Variants in NAALADL2 observed in about 807,000 individuals in gnomAD.
The protein encoded by NAALADL2 is inactive N-acetylated-alpha-linked acidic dipeptidase-like protein 2.
In NAALADL2, 76 loss-of-function variants were observed where a neutral mutation model predicts 87.2. The ratio of observed to expected loss-of-function variants is 0.87; its 90% CI spans 0.72 to 1.05. The LOEUF (loss-of-function observed/expected upper bound fraction) is 1.05. Among genes scored for constraint, NAALADL2 ranks in the 50% least tolerant of loss-of-function variants. The pLI, the probability that NAALADL2 is intolerant of heterozygous loss-of-function variation, is 0.00. For missense variants in NAALADL2, 1,089 were observed against 945.8 expected, an observed-to-expected ratio of 1.15 and a Z score of -1.99; for synonymous variants, 354 against 331.0, an observed-to-expected ratio of 1.07 and a Z score of -0.75.
intron 1 of NAALADL2, among the ~76,000 whole-genome samples, chr3:174,502,276 A>C (rs1718945199): frequency 6.6e-6 from 1 of 152,216 alleles, no homozygotes; most frequent in Non-Finnish European, 1.5e-5. Context: ...ATGCTTAAAA[A>C]GCATTGCTCT....
At chr3:174,901,877 G>T (rs1402781496) in intron 1 of NAALADL2, among the ~76,000 whole-genome samples, 1 of 152,166 alleles carries the variant, frequency 6.6e-6, no homozygotes, top group South Asian at 2.1e-4. Context: ...TGTGATTTAT[G>T]TATGGCCCCA....
chr3:174,629,870 A>G (rs1175259928), intron 2 of NAALADL2, among the ~76,000 whole-genome samples: 1 of 152,202 alleles, frequency 6.6e-6, no homozygotes, highest in African/African-American at 2.4e-5. Flanking sequence ...CAAGAAAATG[A>G]GCAATTTTGC....
rs1458144731 is a variant in NAALADL2 at position 175,105,481 on chromosome 3, CTATG to C, written c.545+8200_545+8203del. Among the ~76,000 whole-genome samples the C allele has an allele frequency of 2.2e-5, 3 of 138,508 alleles. No individual in the cohort carries two copies. The East Asian group carries it at 6.5e-4, about 30-fold the overall frequency. The allele number at this position is 138,508 out of a possible 152,430, so 90.9% of individuals were successfully genotyped here. ...ATATGATTCACATATATATAAATGG[CTATG>C]TATGTATGTGTGTGTATATTTATAT... On this transcript the variant is annotated intron_variant, in intron 2 of 13. Coordinates refer to ENST00000454872, the MANE Select transcript of NAALADL2 (RefSeq NM_207015.3).
At chr3:175,497,811 C>A (rs1204459688) in intron 9 of NAALADL2, among the ~76,000 whole-genome samples, 3 of 152,086 alleles carry the variant, frequency 2.0e-5, no homozygotes, top group Admixed American at 6.6e-5. Flanking sequence ...AGTCAAACAG[C>A]ATGAGTACAA....
intron 4 of NAALADL2, among the ~76,000 whole-genome samples, chr3:175,306,165 T>C (rs1479102094): frequency 1.3e-5 from 2 of 152,156 alleles, no homozygotes; most frequent in East Asian, 3.8e-4. Context: ...ATTTTCTGAT[T>C]TTATGTGCCC....
At chr3:174,887,076 G>A (rs907834501) in intron 1 of NAALADL2, among the ~76,000 whole-genome samples, 1 of 152,156 alleles carries the variant, frequency 6.6e-6, no homozygotes, top group Non-Finnish European at 1.5e-5. Context: ...TATATAAGGA[G>A]CTTCCATCTT....
chr3:174,997,747 G>T (rs988165865), intron 1 of NAALADL2, among the ~76,000 whole-genome samples: 2 of 151,992 alleles, frequency 1.3e-5, no homozygotes, highest in Admixed American at 1.3e-4. Context: ...ACCCGGGGAA[G>T]AGGAGGTTGC....
intron 3 of NAALADL2, among the ~76,000 whole-genome samples, chr3:174,746,744 G>C (rs1386817335): frequency 6.6e-6 from 1 of 151,994 alleles, no homozygotes; most frequent in Non-Finnish European, 1.5e-5. Context: ...TAGACCAATG[G>C]AACAAAATAG....
intron 11 of NAALADL2, among the ~76,000 whole-genome samples, chr3:175,634,809 A>G (rs116711663): frequency 9.2e-5 from 14 of 152,150 alleles, no homozygotes; most frequent in African/African-American, 3.4e-4. Flanking sequence ...CTATGAATTT[A>G]GAGCTTTTAA....
chr3:174,898,457 A>T (rs925348712), intron 1 of NAALADL2, among the ~76,000 whole-genome samples: 1 of 151,990 alleles, frequency 6.6e-6, no homozygotes, highest in African/African-American at 2.4e-5. Context: ...GGGTGACTAT[A>T]GTCAATAATA....
chr3:175,412,527 A>G (rs781135405), intron 5 of NAALADL2, among the ~76,000 whole-genome samples: 1 of 152,160 alleles, frequency 6.6e-6, no homozygotes, highest in Non-Finnish European at 1.5e-5. Context: ...TATCTCCTAG[A>G]TATTAGTTTT....
intron 9 of NAALADL2, among the ~76,000 whole-genome samples, chr3:175,542,540 A>G (rs766767509): frequency 6.6e-6 from 1 of 152,074 alleles, no homozygotes; most frequent in African/African-American, 2.4e-5. Context: ...TTCTTTTTTT[A>G]GTAGAGACGG....
At chr3:175,650,533 C>T (rs1259828442) in intron 11 of NAALADL2, among the ~76,000 whole-genome samples, 3 of 152,116 alleles carry the variant, frequency 2.0e-5, no homozygotes, top group African/African-American at 4.8e-5. Context: ...CTAACACTCA[C>T]TCCTATAAAA....
At position 175,803,505 on chromosome 3, in the gene NAALADL2, G is replaced by A. The variant is rs1252339174; in HGVS notation, c.*302G>A. The A allele has an allele frequency of 1.5e-5, 3 of 193,574 alleles. No homozygotes were observed. Among genetic ancestry groups the A allele is most frequent in the African/African-American group, 7.1e-5 (3 of 42,336 alleles). 12.0% of individuals were successfully genotyped at this position (193,574 alleles called of 1,614,324 possible). On this transcript the variant is annotated 3_prime_UTR_variant, in exon 14 of 14. Transcript: ENST00000454872. ...TACTATTTTAAGGAAAAATTTCCAA[G>A]AAGTTCTGGACTATCTTTGTTCCTA... is the stretch of plus-strand genomic sequence containing the variant.
At chr3:175,186,128 C>T (rs375953436) in intron 2 of NAALADL2, among the ~76,000 whole-genome samples, 11 of 152,006 alleles carry the variant, frequency 7.2e-5, no homozygotes, top group Middle Eastern at 3.2e-3. Flanking sequence ...AATATTTGAC[C>T]ACTTGAGTGA....
At chr3:175,036,602 T>C (rs567257737) in intron 1 of NAALADL2, among the ~76,000 whole-genome samples, 10 of 152,116 alleles carry the variant, frequency 6.6e-5, no homozygotes, top group African/African-American at 2.4e-4. Context: ...GGTTTCACCA[T>C]GTTAGCCAGG....
Position 175,775,647 on chromosome 3 carries a change from C to T in NAALADL2, c.2189+20229C>T, listed in dbSNP as rs186101087. Among the ~76,000 whole-genome samples, 473 of 152,168 alleles carry T rather than the reference C, an allele frequency of 3.1e-3. 3 individuals are homozygous for T. The highest frequency in any genetic ancestry group is 0.015 in the Admixed American group (236 of 15,268). On this transcript the variant is annotated intron_variant, in intron 13 of 13. Transcript: ENST00000454872. Reference sequence around the variant, plus strand: ...TCCTTAGCATTCTTTTGCCAATTTGCGAAGTCTGTTCGCCTGAATTCATCT... The same window carrying T: ...TCCTTAGCATTCTTTTGCCAATTTGTGAAGTCTGTTCGCCTGAATTCATCT...
rs930325490 is a variant in NAALADL2 at position 174,915,059 on chromosome 3, A to G, written c.43+55609A>G. On this transcript the variant is annotated intron_variant, in intron 1 of 13. Transcript: ENST00000454872. ...TCTGGACAGGTTCTAAGAGTTCTAGAAAATAATACAATGTTGGAAAACTAG... is the reference window on the plus strand; with the variant it reads ...TCTGGACAGGTTCTAAGAGTTCTAGGAAATAATACAATGTTGGAAAACTAG... Among the ~76,000 whole-genome samples, 4 of 152,220 alleles carry G rather than the reference A, an allele frequency of 2.6e-5. No individual in the cohort carries two copies. In the East Asian group the frequency reaches 7.7e-4, roughly 29 times the overall value.
At chr3:175,788,430 CTA>C (rs1376299412) in intron 13 of NAALADL2, among the ~76,000 whole-genome samples, 1 of 151,988 alleles carries the variant, frequency 6.6e-6, no homozygotes, top group Non-Finnish European at 1.5e-5. Flanking sequence ...TGTGCCTTTT[CTA>C]TGTCTAGATG....
Sources: allele counts gnomAD v4.1 joint callset (sites outside exome capture counted in the v4.1 genomes callset), GRCh38; gene constraint gnomAD v4.1.1; transcripts MANE v1.5; gene names NCBI Gene and HGNC (gene_info 2026-07-23, HGNC 2026-07-21).